The following MAPK8 variants were observed in gnomAD, a reference collection of about 807,000 sequenced individuals.
MAPK8 encodes the protein JUN N-terminal kinase.
A neutral mutation model predicts 52.9 loss-of-function variants in MAPK8; 13 were observed. The ratio of observed to expected loss-of-function variants is 0.25; its 90% CI spans 0.16 to 0.39. MAPK8 has a LOEUF of 0.39. Ranked by LOEUF, MAPK8 falls within the 10% of genes least tolerant of loss-of-function variation. The pLI, the probability that MAPK8 is intolerant of heterozygous loss-of-function variation, is 1.00. For missense variants in MAPK8, 300 were observed against 519.2 expected (o/e 0.58, Z 4.10); for synonymous variants, 191 against 169.8 (o/e 1.12, Z -0.97).
chr10:48,405,243 C>T (rs1005805234), intron 3 of MAPK8, among the ~76,000 whole-genome samples: 5 of 151,880 alleles, frequency 3.3e-5, no homozygotes, highest in East Asian at 1.9e-4. Flanking sequence ...AAAAGATAAG[C>T]GTTTGAGAAG....
At chr10:48,365,582 A>C (rs1297058355) in intron 1 of MAPK8, among the ~76,000 whole-genome samples, 1 of 152,152 alleles carries the variant, frequency 6.6e-6, no homozygotes, top group East Asian at 1.9e-4. Flanking sequence ...GGAAATTCTA[A>C]ACCTTTGCTA....
At chr10:48,335,412 C>T (rs1844590206) in intron 1 of MAPK8, among the ~76,000 whole-genome samples, 2 of 152,114 alleles carry the variant, frequency 1.3e-5, no homozygotes, top group Non-Finnish European at 2.9e-5. Context: ...AAAAGTTTGA[C>T]AGCTGCCATA....
intron 1 of MAPK8, among the ~76,000 whole-genome samples, chr10:48,320,271 CCT>C (rs1171856614): frequency 8.1e-6 from 1 of 123,804 alleles, no homozygotes; most frequent in Non-Finnish European, 1.6e-5. Context: ...GCTCTGTCAC[CCT>C]GTTACCCAGG....
intron 1 of MAPK8, among the ~76,000 whole-genome samples, chr10:48,337,586 A>G (rs1438961146): frequency 6.6e-6 from 1 of 152,202 alleles, no homozygotes; most frequent in Non-Finnish European, 1.5e-5. Context: ...GCAGAACAAA[A>G]GAAATAACAA....
At chr10:48,418,379 C>T (rs1441219209) in intron 5 of MAPK8, among the ~76,000 whole-genome samples, 1 of 152,164 alleles carries the variant, frequency 6.6e-6, no homozygotes, top group African/African-American at 2.4e-5. Context: ...TTCTCAGTGG[C>T]TTAGCACGAC....
intron 1 of MAPK8, among the ~76,000 whole-genome samples, chr10:48,341,817 A>G (rs1845298761): frequency 6.6e-6 from 1 of 152,242 alleles, no homozygotes; most frequent in African/African-American, 2.4e-5. Context: ...AGCTTCCCTG[A>G]GAAGCTGGTA....
In MAPK8 at chr10:48,413,044, A is replaced by G. The variant is rs2042847516; in HGVS notation, c.450+2876A>G. On this transcript the variant is annotated intron_variant, in intron 5 of 11. Coordinates refer to ENST00000374189, the MANE Select transcript of MAPK8 (RefSeq NM_001323329.2). ...CCTCATATAAGCGGAATCATGCAGT[A>G]TTTGCCTCCTTGCAACTGGCTTATT... Among the ~76,000 whole-genome samples, 5 of 152,254 alleles carry G rather than the reference A, an allele frequency of 3.3e-5. 1 individual carries two copies. In the South Asian group the frequency reaches 1.0e-3, roughly 32 times the overall value.
intron 1 of MAPK8, among the ~76,000 whole-genome samples, chr10:48,345,071 A>G (rs963428352): frequency 6.6e-6 from 1 of 152,230 alleles, no homozygotes; most frequent in African/African-American, 2.4e-5. Context: ...ATAATATAAG[A>G]TGCGGCAGAA....
chr10:48,313,545 G>A (rs953336727), intron 1 of MAPK8, among the ~76,000 whole-genome samples: 2 of 152,158 alleles, frequency 1.3e-5, no homozygotes, highest in South Asian at 2.1e-4. Context: ...CTTATGCTAC[G>A]TCTCGTCAGG....
chr10:48,343,308 A>G (rs900223007), intron 1 of MAPK8, among the ~76,000 whole-genome samples: 6 of 151,968 alleles, frequency 3.9e-5, no homozygotes, highest in Admixed American at 3.3e-4. Context: ...TTATCTCCAC[A>G]TCACTCCAGT....
intron 1 of MAPK8, among the ~76,000 whole-genome samples, chr10:48,338,661 G>A (rs1844933634): frequency 6.6e-6 from 1 of 151,952 alleles, no homozygotes; most frequent in Non-Finnish European, 1.5e-5. Flanking sequence ...ACATGATCCT[G>A]TACCTAAAAA....
chr10:48,318,313 C>T (rs771968435), intron 1 of MAPK8, among the ~76,000 whole-genome samples: 1 of 152,176 alleles, frequency 6.6e-6, no homozygotes, highest in Non-Finnish European at 1.5e-5. Flanking sequence ...ATATTAATCA[C>T]ATCTACAAAA....
chr10:48,415,030 T>G (rs1396460707), intron 5 of MAPK8, among the ~76,000 whole-genome samples: 1 of 152,064 alleles, frequency 6.6e-6, no homozygotes, highest in Non-Finnish European at 1.5e-5. Context: ...TGGGGCTTTT[T>G]TTTTAAGTGA....
intron 1 of MAPK8, among the ~76,000 whole-genome samples, chr10:48,333,759 A>G (rs1844377343): frequency 6.6e-6 from 1 of 152,262 alleles, no homozygotes; most frequent in Non-Finnish European, 1.5e-5. Flanking sequence ...AGGAAAGGGG[A>G]GCCCCAGGCT....
chr10:48,335,366 C>T (rs946330878), intron 1 of MAPK8, among the ~76,000 whole-genome samples: 3 of 151,956 alleles, frequency 2.0e-5, no homozygotes, highest in Non-Finnish European at 4.4e-5. Flanking sequence ...TAACAAAGTT[C>T]TTTGTTTAAA....
At chr10:48,339,552 C>G (rs1354102491) in intron 1 of MAPK8, among the ~76,000 whole-genome samples, 1 of 152,012 alleles carries the variant, frequency 6.6e-6, no homozygotes, top group Non-Finnish European at 1.5e-5. Context: ...AAAGCAAATG[C>G]AACAAAAACA....
chr10:48,317,424 A>G (rs1387561764), intron 1 of MAPK8, among the ~76,000 whole-genome samples: 1 of 152,144 alleles, frequency 6.6e-6, no homozygotes, highest in Non-Finnish European at 1.5e-5. Flanking sequence ...CCGCCTCCCA[A>G]AGTGCTGGGA....
intron 6 of MAPK8, among the ~76,000 whole-genome samples, chr10:48,421,589 G>A (rs533083611): frequency 3.3e-5 from 5 of 152,210 alleles, no homozygotes; most frequent in East Asian, 3.9e-4. Flanking sequence ...TGGATCACTC[G>A]AGGCTAGGAG....
rs2044977005 is a variant in MAPK8, at chr10:48,437,839, T to C, written c.*2810T>C. The C allele has an allele frequency of 6.6e-6, 1 of 152,250 alleles. No homozygotes were observed. The highest frequency in any genetic ancestry group is 2.4e-5 in the African/African-American group (1 of 41,450). The allele number at this position is 152,250 out of a possible 1,614,324, so 9.4% of individuals were successfully genotyped here. ...ACCCCCTTAACAATCCAAAGAAGCT[T>C]GATGGTGTGCAAAGAAGCATCCTGC... is the stretch of plus-strand genomic sequence containing the variant. On this transcript the variant is annotated 3_prime_UTR_variant, in exon 12 of 12. Coordinates refer to ENST00000374189, the MANE Select transcript of MAPK8 (RefSeq NM_001323329.2).
Sources: allele counts gnomAD v4.1 joint callset (sites outside exome capture counted in the v4.1 genomes callset), GRCh38; gene constraint gnomAD v4.1.1; transcripts MANE v1.5; gene names NCBI Gene and HGNC (gene_info 2026-07-23, HGNC 2026-07-21).